Variants in PLCL1 observed in about 807,000 individuals in gnomAD.
PLCL1 encodes inactive phospholipase C-like protein 1.
In PLCL1, 41 loss-of-function variants were observed where a neutral mutation model predicts 84.4. The observed-to-expected ratio is 0.49, with a 90% CI of 0.38 to 0.63. PLCL1 has a LOEUF of 0.63. Among genes scored for constraint, PLCL1 ranks in the 30% least tolerant of loss-of-function variants. The probability of loss-of-function intolerance (pLI) is 0.00; values close to 1 mark genes in which losing one functional copy is unlikely to be tolerated. For synonymous variants in PLCL1, 490 were observed against 488.3 expected (o/e 1.00, Z -0.05); for missense variants, 1,206 against 1,367.8 (o/e 0.88, Z 1.87).
At chr2:197,838,931 A>G (rs1200246917) in intron 1 of PLCL1, among the ~76,000 whole-genome samples, 1 of 152,236 alleles carries the variant, frequency 6.6e-6, no homozygotes, top group East Asian at 1.9e-4. Context: ...AAATATGACA[A>G]TGAGTAAAAT....
intron 1 of PLCL1, among the ~76,000 whole-genome samples, chr2:198,082,962 C>A (rs574338109): frequency 6.6e-6 from 1 of 152,266 alleles, no homozygotes; most frequent in East Asian, 1.9e-4. Flanking sequence ...CACTAAGATC[C>A]AAGGACACTT....
rs186339191 is a variant in PLCL1, at chr2:197,883,071, A to G, written c.240+77732A>G. 7.8e-4 allele frequency among the ~76,000 whole-genome samples: 119 copies of G among 152,296 alleles called. 1 individual carries two copies. Among genetic ancestry groups the G allele is most frequent in the African/African-American group, 2.7e-3 (114 of 41,574 alleles). ...GTAGGTGATGACGGGACAGAGCTTG[A>G]GAGAGGATTCTAGACATTGCAGATG... On this transcript the variant is annotated intron_variant, in intron 1 of 5. Coordinates refer to ENST00000428675, the MANE Select transcript of PLCL1 (RefSeq NM_006226.4).
At chr2:198,073,655 G>A (rs1169821146) in intron 1 of PLCL1, among the ~76,000 whole-genome samples, 1 of 152,138 alleles carries the variant, frequency 6.6e-6, no homozygotes, top group Admixed American at 6.5e-5. Context: ...TTTTATATGT[G>A]GTTCAGAGAT....
At chr2:197,916,335 A>G (rs375922925) in intron 1 of PLCL1, among the ~76,000 whole-genome samples, 6 of 152,138 alleles carry the variant, frequency 3.9e-5, no homozygotes, top group African/African-American at 9.7e-5. Context: ...ACTGGTTAAG[A>G]TTATAGGCTC....
chr2:197,826,038 A>G (rs1179556582), intron 1 of PLCL1, among the ~76,000 whole-genome samples: 3 of 152,172 alleles, frequency 2.0e-5, no homozygotes, highest in African/African-American at 7.2e-5. Context: ...GGGTCTATAT[A>G]CTTTCCTAGC....
intron 5 of PLCL1, among the ~76,000 whole-genome samples, chr2:198,120,962 A>C (rs1186588905): frequency 6.6e-6 from 1 of 152,054 alleles, no homozygotes; most frequent in African/African-American, 2.4e-5. Context: ...CCTTTTCTCC[A>C]TATCTTCGCC....
chr2:198,059,976 T>G (rs1692153871), intron 1 of PLCL1, among the ~76,000 whole-genome samples: 1 of 152,184 alleles, frequency 6.6e-6, no homozygotes, highest in African/African-American at 2.4e-5. Flanking sequence ...TCTGGCTGCA[T>G]GAGGTTATCT....
At chr2:197,994,960 A>C (rs1402244614) in intron 1 of PLCL1, among the ~76,000 whole-genome samples, 1 of 152,184 alleles carries the variant, frequency 6.6e-6, no homozygotes, top group African/African-American at 2.4e-5. Context: ...CAAGGGATTA[A>C]GTGATTAAGC....
intron 3 of PLCL1, among the ~76,000 whole-genome samples, chr2:198,090,472 G>T (rs1217982253): frequency 3.3e-5 from 5 of 151,988 alleles, no homozygotes; most frequent in Non-Finnish European, 7.4e-5. Flanking sequence ...AGGAAGAAAA[G>T]ATGAAGATTT....
At chr2:197,943,494 A>G (rs1689205575) in intron 1 of PLCL1, among the ~76,000 whole-genome samples, 1 of 152,078 alleles carries the variant, frequency 6.6e-6, no homozygotes, top group Non-Finnish European at 1.5e-5. Context: ...TGTGAAAATA[A>G]TATTCCTCTT....
At chr2:197,892,339 A>G (rs1383225959) in intron 1 of PLCL1, among the ~76,000 whole-genome samples, 1 of 152,202 alleles carries the variant, frequency 6.6e-6, no homozygotes, top group Non-Finnish European at 1.5e-5. Context: ...GTCTGATCCT[A>G]ACTGACTGTC....
At chr2:197,965,333 C>T (rs935781863) in intron 1 of PLCL1, among the ~76,000 whole-genome samples, 1 of 152,142 alleles carries the variant, frequency 6.6e-6, no homozygotes, top group South Asian at 2.1e-4. Flanking sequence ...TCTAGGTTTT[C>T]CAATTTATTG....
intron 1 of PLCL1, among the ~76,000 whole-genome samples, chr2:197,849,734 C>G (rs887004914): frequency 2.6e-5 from 4 of 151,944 alleles, no homozygotes; most frequent in Non-Finnish European, 5.9e-5. Flanking sequence ...TCCTCATAGA[C>G]TTTGAGAAAA....
intron 1 of PLCL1, among the ~76,000 whole-genome samples, chr2:198,031,415 A>T (rs192183982): frequency 6.6e-6 from 1 of 151,888 alleles, no homozygotes; most frequent in Non-Finnish European, 1.5e-5. Flanking sequence ...TTGTGGTTAC[A>T]TAATTATAGA....
chr2:197,997,541 C>A (rs1359910143), intron 1 of PLCL1, among the ~76,000 whole-genome samples: 1 of 152,148 alleles, frequency 6.6e-6, no homozygotes, highest in African/African-American at 2.4e-5. Context: ...CAATTCACAC[C>A]CAAAGAGGCC....
chr2:197,939,138 A>G (rs1206026101), intron 1 of PLCL1, among the ~76,000 whole-genome samples: 1 of 152,114 alleles, frequency 6.6e-6, no homozygotes, highest in Non-Finnish European at 1.5e-5. Flanking sequence ...AAAATACTTA[A>G]TTTTCTATTT....
chr2:198,143,935 G>A (rs902129319), intron 5 of PLCL1, among the ~76,000 whole-genome samples: 3 of 151,140 alleles, frequency 2.0e-5, no homozygotes, highest in African/African-American at 7.3e-5. Context: ...GCCAGTGTGT[G>A]TTGTCTCCAG....
intron 2 of PLCL1, among the ~76,000 whole-genome samples, chr2:198,087,048 A>G (rs939452273): frequency 3.3e-5 from 5 of 152,206 alleles, no homozygotes; most frequent in African/African-American, 1.2e-4. Flanking sequence ...AGAACAAGTA[A>G]AACTAAACAA....
At chr2:197,908,707 C>A (rs1409833835) in intron 1 of PLCL1, among the ~76,000 whole-genome samples, 2 of 152,024 alleles carry the variant, frequency 1.3e-5, no homozygotes, top group African/African-American at 4.8e-5. Flanking sequence ...TATTTAATGA[C>A]ATTTAATATC....
Sources: gnomAD v4.1 joint callset for allele counts (sites outside exome capture counted in the v4.1 genomes callset) on GRCh38, gnomAD v4.1.1 for gene constraint, MANE v1.5 for transcripts, NCBI Gene and HGNC (gene_info 2026-07-23, HGNC 2026-07-21) for gene names.